The following DLG2 variants were observed in gnomAD, a reference collection of about 807,000 sequenced individuals.
DLG2 encodes the protein discs large MAGUK scaffold protein 2.
A neutral mutation model predicts 132.5 loss-of-function variants in DLG2; 45 were observed. That is an observed-to-expected ratio of 0.34 (90% confidence interval 0.27 to 0.44). The LOEUF is 0.44. Among genes scored for constraint, DLG2 ranks in the 20% least tolerant of loss-of-function variants. DLG2 has a pLI of 1.00. For missense variants in DLG2, 1,045 were observed against 1,196.9 expected, an observed-to-expected ratio of 0.87 and a Z score of 1.87; for synonymous variants, 424 against 419.6, an observed-to-expected ratio of 1.01 and a Z score of -0.13.
chr11:84,931,133 A>C (rs762496347), intron 6 of DLG2, among the ~76,000 whole-genome samples: 12 of 152,056 alleles, frequency 7.9e-5, no homozygotes, highest in Non-Finnish European at 1.6e-4. Context: ...TTCTGACCTT[A>C]GGTTTCCCCA....
At position 85,012,139 on chromosome 11, in the gene DLG2, T is replaced by TGGAGAAACTCCATTTCTACTA. The variant is rs1566644270; in HGVS notation, c.357+99521_357+99522insTAGTAGAAATGGAGTTTCTCC. On this transcript the variant is annotated intron_variant, in intron 6 of 27. Transcript: ENST00000376104. ...GAGTTCGAGACCAGCCTGACCAACA[T>TGGAGAAACTCCATTTCTACTA]AATCTATGTGAAATGACCTAGATAA... Among the ~76,000 whole-genome samples the TGGAGAAACTCCATTTCTACTA allele has an allele frequency of 2.9e-3, 237 of 80,454 alleles. 10 individuals are homozygous for TGGAGAAACTCCATTTCTACTA. The highest frequency in any genetic ancestry group is 8.1e-3 in the East Asian group (9 of 1,118). 52.8% of individuals were successfully genotyped at this position (80,454 alleles called of 152,430 possible). A position where few individuals can be genotyped will look rare whatever the true frequency, so the allele number is the denominator to read the frequency against.
At chr11:85,459,660 C>G (rs561843707) in intron 3 of DLG2, among the ~76,000 whole-genome samples, 5 of 152,132 alleles carry the variant, frequency 3.3e-5, no homozygotes, top group South Asian at 4.1e-4. Flanking sequence ...CTGTAGTGTG[C>G]TGGAGATGCC....
intron 19 of DLG2, among the ~76,000 whole-genome samples, chr11:83,565,004 C>T (rs960277307): frequency 3.3e-5 from 5 of 152,182 alleles, no homozygotes; most frequent in African/African-American, 1.2e-4. Context: ...AGTTCTTTAT[C>T]TGTTTCCCTC....
At chr11:84,968,827 C>G (rs2053668522) in intron 6 of DLG2, among the ~76,000 whole-genome samples, 1 of 152,098 alleles carries the variant, frequency 6.6e-6, no homozygotes, top group South Asian at 2.1e-4. Context: ...ACAACACACT[C>G]CTTCTAGGCT....
intron 13 of DLG2, among the ~76,000 whole-genome samples, chr11:83,963,747 C>A (rs1158227051): frequency 1.3e-5 from 2 of 151,966 alleles, no homozygotes; most frequent in African/African-American, 4.8e-5. Flanking sequence ...CCCCCCAACA[C>A]ATATCCTATC....
intron 6 of DLG2, among the ~76,000 whole-genome samples, chr11:84,986,065 C>T (rs1380172164): frequency 7.2e-6 from 1 of 139,102 alleles, no homozygotes; most frequent in African/African-American, 2.6e-5. Flanking sequence ...GCAAGATTAA[C>T]CAAGAAAAGA....
chr11:85,505,713 T>C (rs1229870608), intron 3 of DLG2, among the ~76,000 whole-genome samples: 1 of 152,216 alleles, frequency 6.6e-6, no homozygotes, highest in East Asian at 1.9e-4. Context: ...GGCTTTGGTA[T>C]CAGAACGATG....
intron 21 of DLG2, among the ~76,000 whole-genome samples, chr11:83,487,257 T>A (rs1448377664): frequency 2.0e-5 from 3 of 152,066 alleles, no homozygotes; most frequent in Non-Finnish European, 4.4e-5. Context: ...AGCTGGCAAA[T>A]CTAAGAATTC....
At chr11:85,380,199 T>C (rs2085761801) in intron 3 of DLG2, among the ~76,000 whole-genome samples, 1 of 152,202 alleles carries the variant, frequency 6.6e-6, no homozygotes, top group African/African-American at 2.4e-5. Flanking sequence ...GTGAAAAAGT[T>C]TACAATATAT....
At chr11:84,454,309 A>G (rs758358741) in intron 7 of DLG2, among the ~76,000 whole-genome samples, 2 of 151,538 alleles carry the variant, frequency 1.3e-5, no homozygotes, top group Non-Finnish European at 3.0e-5. Flanking sequence ...AGAAATAGAT[A>G]TATTCTTACT....
At chr11:83,795,743 T>A (rs939610310) in intron 17 of DLG2, among the ~76,000 whole-genome samples, 1 of 152,144 alleles carries the variant, frequency 6.6e-6, no homozygotes, top group African/African-American at 2.4e-5. Flanking sequence ...CTGGAAATAT[T>A]TGTCTATTTC....
chr11:85,259,521 G>C (rs938965601), intron 4 of DLG2, among the ~76,000 whole-genome samples: 1 of 151,906 alleles, frequency 6.6e-6, no homozygotes, highest in Non-Finnish European at 1.5e-5. Flanking sequence ...CAATCCAGCT[G>C]ACCCTCCCAA....
intron 16 of DLG2, among the ~76,000 whole-genome samples, chr11:83,868,752 G>T (rs2062871258): frequency 6.6e-6 from 1 of 152,040 alleles, no homozygotes; most frequent in South Asian, 2.1e-4. Flanking sequence ...AAGTTTCAAA[G>T]AGCACTTCCA....
At chr11:84,161,740 T>C (rs1287678795) in intron 9 of DLG2, among the ~76,000 whole-genome samples, 3 of 152,160 alleles carry the variant, frequency 2.0e-5, no homozygotes, top group Non-Finnish European at 4.4e-5. Flanking sequence ...ACCTGTTCAG[T>C]TGCATTGAGT....
chr11:83,685,627 C>G (rs979020377), intron 18 of DLG2, among the ~76,000 whole-genome samples: 1 of 151,974 alleles, frequency 6.6e-6, no homozygotes, highest in African/African-American at 2.4e-5. Context: ...TTTTTATACT[C>G]GCTCCCAAGG....
intron 4 of DLG2, among the ~76,000 whole-genome samples, chr11:85,175,958 CAG>C (rs2079206104): frequency 6.6e-6 from 1 of 151,948 alleles, no homozygotes; most frequent in Non-Finnish European, 1.5e-5. Flanking sequence ...TCAAGGAAAT[CAG>C]AGAGGACAAA....
At chr11:84,228,796 T>C (rs1348771162) in intron 8 of DLG2, among the ~76,000 whole-genome samples, 3 of 152,350 alleles carry the variant, frequency 2.0e-5, no homozygotes, top group Admixed American at 2.0e-4. Flanking sequence ...AATGAAATCA[T>C]GGCAGGCCAG....
At chr11:83,892,109 T>C (rs796804679) in intron 15 of DLG2, among the ~76,000 whole-genome samples, 28 of 152,324 alleles carry the variant, frequency 1.8e-4, no homozygotes, top group African/African-American at 6.7e-4. Context: ...CCTCTTTCTC[T>C]GGTATTCTTT....
intron 6 of DLG2, among the ~76,000 whole-genome samples, chr11:84,591,322 T>C (rs1475391519): frequency 6.6e-6 from 1 of 151,588 alleles, no homozygotes; most frequent in Non-Finnish European, 1.5e-5. Flanking sequence ...TTGTTTTTTT[T>C]TTTTTGTTTT....
Sources: gnomAD v4.1 joint callset for allele counts (sites outside exome capture counted in the v4.1 genomes callset) on GRCh38, gnomAD v4.1.1 for gene constraint, MANE v1.5 for transcripts, NCBI Gene and HGNC (gene_info 2026-07-23, HGNC 2026-07-21) for gene names.